The following FAM13C variants were observed in gnomAD, a reference collection of about 807,000 sequenced individuals.
The protein encoded by FAM13C is protein FAM13C.
FAM13C carries 37 observed loss-of-function variants against 73.2 expected under a neutral mutation model. The ratio of observed to expected loss-of-function variants is 0.51; its 90% confidence interval spans 0.39 to 0.67. The LOEUF (loss-of-function observed/expected upper bound fraction) is 0.67, where lower values mean the gene tolerates loss of function less well. FAM13C is among the 30% of genes least tolerant of loss of function. FAM13C has a pLI of 0.00. For missense variants in FAM13C, 589 were observed against 715.6 expected (o/e 0.82, Z 2.02); for synonymous variants, 246 against 260.9 (o/e 0.94, Z 0.55).
Position 59,247,590 on chromosome 10 carries a change from A to G in FAM13C, c.*24T>C, listed in dbSNP as rs1434146301. ...AACTTTACTTTATATCATGGGTGAA[A>G]GTGATCATAACATTTCCTGAACCTC... On this transcript the variant is annotated 3_prime_UTR_variant, in exon 14 of 14. Transcript: ENST00000618804. The G allele has an allele frequency of 6.2e-7, 1 of 1,612,928 alleles. No homozygotes were observed. Among genetic ancestry groups the G allele is most frequent in the South Asian group, 1.1e-5 (1 of 90,924 alleles).
rs544332513 is a variant in FAM13C, at chr10:59,277,876, C to G, written c.592+5487G>C. ...GGGGAAAGCCCCACTAACACTTCCC[C>G]ACTTTCCACCCAGCCACCCTCTACT... On this transcript the variant is annotated intron_variant, in intron 6 of 13. Coordinates refer to ENST00000618804, the MANE Select transcript of FAM13C (RefSeq NM_198215.4). Among the ~76,000 whole-genome samples the G allele has an allele frequency of 4.6e-4, 70 of 152,292 alleles. 2 individuals are homozygous for G. The highest frequency in any genetic ancestry group is 1.6e-3 in the African/African-American group (65 of 41,578).
chr10:59,306,255 G>T (rs284587), intron 4 of FAM13C, among the ~76,000 whole-genome samples: 89,025 of 151,926 alleles, frequency 0.59, 26,959 homozygotes, highest in Admixed American at 0.67. Context: ...AAAATATATG[G>T]TATATATTAG....
intron 1 of FAM13C, among the ~76,000 whole-genome samples, chr10:59,359,020 TCC>T (rs1237088534): frequency 1.2e-4 from 19 of 152,328 alleles, no homozygotes; most frequent in African/African-American, 4.3e-4. Flanking sequence ...TTCTGTCCTT[TCC>T]CTGAAACCCC....
chr10:59,272,350 G>C (rs1843809291), intron 6 of FAM13C, among the ~76,000 whole-genome samples: 1 of 152,202 alleles, frequency 6.6e-6, no homozygotes, highest in African/African-American at 2.4e-5. Flanking sequence ...CATTTGAGTT[G>C]AGAAGGGGCT....
In FAM13C at chr10:59,262,493, C is replaced by T. The variant is rs151012926; in HGVS notation, c.1177G>A (p.Ala393Thr). ...PSSSGEETPD[A>T]ALTCLKERRE... is the part of the protein sequence containing the mutation. The stretch of plus-strand genomic sequence containing the variant: ...CTCTCCTTCAGGCATGTCAAGGCAG[C>T]ATCTGGAGTCTCTTCTCCAGAGGAG... Residue 393 changes from alanine to threonine, a missense_variant, in exon 10 of 14, where the codon GCT becomes ACT. Transcript: ENST00000618804. 528 of 1,613,764 alleles carry T rather than the reference C, an allele frequency of 3.3e-4. No individual in the cohort carries two copies. Among genetic ancestry groups the T allele is most frequent in the Non-Finnish European group, 4.1e-4 (483 of 1,179,774 alleles).
intron 13 of FAM13C, among the ~76,000 whole-genome samples, chr10:59,250,506 G>A (rs1015005134): frequency 6.6e-6 from 1 of 152,144 alleles, no homozygotes; most frequent in African/African-American, 2.4e-5. Flanking sequence ...CACTCAATAG[G>A]TCCAGTCCTA....
chr10:59,329,575 T>A (rs1391559743), intron 3 of FAM13C, among the ~76,000 whole-genome samples: 1 of 151,968 alleles, frequency 6.6e-6, no homozygotes, highest in African/African-American at 2.4e-5. Context: ...GCCAGTCTGG[T>A]CTGGAACTCC....
chr10:59,295,782 G>C (rs183165319), intron 5 of FAM13C, among the ~76,000 whole-genome samples: 1 of 152,154 alleles, frequency 6.6e-6, no homozygotes, highest in African/African-American at 2.4e-5. Flanking sequence ...CCTAAATAAA[G>C]ATGAAGCCAA....
intron 3 of FAM13C, among the ~76,000 whole-genome samples, chr10:59,334,747 C>T (rs113202500): frequency 0.021 from 2,482 of 119,958 alleles, 92 homozygotes; most frequent in African/African-American, 0.077. Context: ...CATCACACAC[C>T]GGGGCCTGTT....
At chr10:59,273,629 A>C (rs1211221382) in intron 6 of FAM13C, among the ~76,000 whole-genome samples, 4 of 152,132 alleles carry the variant, frequency 2.6e-5, no homozygotes, top group Admixed American at 6.5e-5. Flanking sequence ...TCACTAGGAA[A>C]TGTTGCGTAA....
chr10:59,312,867 A>G (rs749981429), intron 4 of FAM13C, among the ~76,000 whole-genome samples: 8 of 152,044 alleles, frequency 5.3e-5, no homozygotes, highest in Non-Finnish European at 7.4e-5. Context: ...AGCCTTTCTG[A>G]CCCTTAAAAT....
At chr10:59,296,823 A>C (rs1038669130) in intron 5 of FAM13C, 3 of 152,220 alleles carry the variant, frequency 2.0e-5, no homozygotes, top group Non-Finnish European at 4.4e-5. Context: ...ATGAGGACAC[A>C]CACAAATCTG....
intron 5 of FAM13C, among the ~76,000 whole-genome samples, chr10:59,299,672 T>C (rs550319706): frequency 6.6e-6 from 1 of 152,162 alleles, no homozygotes; most frequent in Non-Finnish European, 1.5e-5. Context: ...TCTGATCTAT[T>C]GAATGCTTAT....
At chr10:59,332,040 G>A (rs1192561775) in intron 3 of FAM13C, among the ~76,000 whole-genome samples, 1 of 152,074 alleles carries the variant, frequency 6.6e-6, no homozygotes, top group East Asian at 1.9e-4. Context: ...TCAGGAGGGT[G>A]ACCAAAACCA....
chr10:59,352,582 C>A, intron 2 of FAM13C, 108 bp from the exon 3 acceptor site: 8 of 1,227,658 alleles, frequency 6.5e-6, no homozygotes, highest in Non-Finnish European at 8.8e-6. Flanking sequence ...ATAGGATAGA[C>A]ACCTCGCAAA....
At chr10:59,298,711 C>T (rs1847208549) in intron 5 of FAM13C, among the ~76,000 whole-genome samples, 1 of 152,182 alleles carries the variant, frequency 6.6e-6, no homozygotes, top group Non-Finnish European at 1.5e-5. Flanking sequence ...TATTCACTCC[C>T]CAAACTAGGC....
At chr10:59,293,580 A>C (rs556593947) in intron 5 of FAM13C, among the ~76,000 whole-genome samples, 6 of 152,222 alleles carry the variant, frequency 3.9e-5, no homozygotes, top group Admixed American at 2.0e-4. Flanking sequence ...GTTGATAGAC[A>C]CTTAGGTTGT....
rs1840847053 is a variant in FAM13C, at chr10:59,247,746, CA to C, written c.1635-10del. ...CTTCCTTTTGTGGACTTCTGCAAAA[CA>C]AAAATACATTTGTTAGTTCACAATG... is the stretch of plus-strand genomic sequence containing the variant. On this transcript the variant is annotated splice_polypyrimidine_tract_variant and intron_variant, in intron 13 of 13. Coordinates refer to ENST00000618804, the MANE Select transcript of FAM13C (RefSeq NM_198215.4). 1 of 1,604,844 alleles carries C rather than the reference CA, an allele frequency of 6.2e-7. No individual in the cohort carries two copies. Among genetic ancestry groups the C allele is most frequent in the Non-Finnish European group, 8.5e-7 (1 of 1,176,126 alleles).
chr10:59,259,892 G>A (rs1040376426), intron 10 of FAM13C, among the ~76,000 whole-genome samples: 2 of 152,032 alleles, frequency 1.3e-5, no homozygotes, highest in East Asian at 1.9e-4. Context: ...CCAGGACATG[G>A]GATTTTCAGT....
Sources: gnomAD v4.1 joint callset for allele counts (sites outside exome capture counted in the v4.1 genomes callset) on GRCh38, gnomAD v4.1.1 for gene constraint, MANE v1.5 for transcripts, NCBI Gene and HGNC (gene_info 2026-07-23, HGNC 2026-07-21) for gene names.